LRRC4C: variants seen among roughly 807,000 people sequenced by gnomAD.
LRRC4C encodes the protein leucine-rich repeat-containing protein 4C.
Under a neutral mutation model 33.6 loss-of-function variants are expected in LRRC4C, and 5 were observed. That is an observed-to-expected ratio of 0.15 (90% CI 0.08 to 0.31). The LOEUF (loss-of-function observed/expected upper bound fraction) is 0.31, where lower values mean the gene tolerates loss of function less well. LRRC4C is among the 10% of genes least tolerant of loss of function. LRRC4C has a pLI of 1.00. For synonymous variants in LRRC4C, 329 were observed against 302.0 expected, an observed-to-expected ratio of 1.09 and a Z score of -0.93; for missense variants, 560 against 796.7, an observed-to-expected ratio of 0.70 and a Z score of 3.58.
intron 2 of LRRC4C, among the ~76,000 whole-genome samples, chr11:40,762,841 C>T (rs1949284594): frequency 6.6e-6 from 1 of 151,746 alleles, no homozygotes; most frequent in Non-Finnish European, 1.5e-5. Flanking sequence ...GCTTCTACAC[C>T]AAACTCTTTC....
chr11:41,055,121 G>T (rs996959731), intron 1 of LRRC4C, among the ~76,000 whole-genome samples: 1 of 151,998 alleles, frequency 6.6e-6, no homozygotes, highest in Admixed American at 6.6e-5. Context: ...TTCCTCAGAG[G>T]TTATCATTAT....
rs1181331246 is a variant in LRRC4C, at chr11:41,099,378, T to TA, written c.-495-165656dup. On this transcript the variant is annotated intron_variant, in intron 1 of 6. Coordinates refer to ENST00000528697, the MANE Select transcript of LRRC4C (RefSeq NM_001258419.2). Reference sequence around the variant, plus strand: ...CTGATACCAAAACCTGGCAGAGACATAAAAAAAAAAAGAAAAAAAAAAACT... The same window carrying TA: ...CTGATACCAAAACCTGGCAGAGACATAAAAAAAAAAAAGAAAAAAAAAAACT... 2.8e-3 allele frequency among the ~76,000 whole-genome samples: 314 copies of TA among 112,718 alleles called. 1 individual carries two copies. The highest frequency in any genetic ancestry group is 4.8e-3 in the Middle Eastern group (1 of 210). The allele number at this position is 112,718 out of a possible 152,430, so 73.9% of individuals were successfully genotyped here.
At chr11:40,644,231 C>T (rs922863686) in intron 3 of LRRC4C, among the ~76,000 whole-genome samples, 15 of 152,152 alleles carry the variant, frequency 9.9e-5, no homozygotes, top group African/African-American at 3.6e-4. Context: ...AATAGCATGG[C>T]CGTAAAGCGC....
intron 1 of LRRC4C, among the ~76,000 whole-genome samples, chr11:41,070,946 T>C (rs969564929): frequency 6.6e-6 from 1 of 152,176 alleles, no homozygotes; most frequent in Non-Finnish European, 1.5e-5. Flanking sequence ...TAAAGATACA[T>C]GCACACGTAT....
chr11:40,864,893 T>G (rs1048474378), intron 2 of LRRC4C, among the ~76,000 whole-genome samples: 1 of 152,178 alleles, frequency 6.6e-6, no homozygotes, highest in African/African-American at 2.4e-5. Flanking sequence ...AGGGGATAAG[T>G]GGACAGGTGA....
intron 3 of LRRC4C, among the ~76,000 whole-genome samples, chr11:40,460,217 T>G (rs1952327942): frequency 6.6e-6 from 1 of 152,160 alleles, no homozygotes; most frequent in South Asian, 2.1e-4. Context: ...GAGCAAATAC[T>G]ATACATCAGG....
intron 2 of LRRC4C, among the ~76,000 whole-genome samples, chr11:40,705,498 T>C (rs1383423624): frequency 7.0e-6 from 1 of 142,088 alleles, no homozygotes; most frequent in African/African-American, 2.5e-5. Context: ...AGAATGATGG[T>C]TTCCAGCTTC....
chr11:40,116,368 G>A, intron 6 of LRRC4C, 34 bp from the exon 7 acceptor site: 2 of 1,512,026 alleles, frequency 1.3e-6, no homozygotes, highest in South Asian at 1.4e-5. Flanking sequence ...CCAATTATTA[G>A]ATTAGATTTA....
intron 1 of LRRC4C, among the ~76,000 whole-genome samples, chr11:41,365,841 G>A (rs1205359047): frequency 6.6e-6 from 1 of 152,096 alleles, no homozygotes; most frequent in Admixed American, 6.6e-5. Context: ...ATAAATCTTG[G>A]ACTCAAGAAC....
At chr11:40,449,457 T>C (rs1951792455) in intron 3 of LRRC4C, among the ~76,000 whole-genome samples, 1 of 152,178 alleles carries the variant, frequency 6.6e-6, no homozygotes, top group Admixed American at 6.5e-5. Context: ...CTTTTTATCT[T>C]TCATTTACTC....
intron 3 of LRRC4C, among the ~76,000 whole-genome samples, chr11:40,408,876 A>C (rs908916643): frequency 6.6e-6 from 1 of 152,024 alleles, no homozygotes; most frequent in African/African-American, 2.4e-5. Flanking sequence ...TAAAAATTCC[A>C]ATGACATTTT....
At chr11:40,145,230 C>T (rs961824779) in intron 5 of LRRC4C, among the ~76,000 whole-genome samples, 1 of 152,092 alleles carries the variant, frequency 6.6e-6, no homozygotes, top group South Asian at 2.1e-4. Context: ...ACTATATAAT[C>T]AATTAGCATG....
chr11:40,426,249 A>C (rs1207925368), intron 3 of LRRC4C, among the ~76,000 whole-genome samples: 3 of 151,970 alleles, frequency 2.0e-5, no homozygotes, highest in Non-Finnish European at 4.4e-5. Flanking sequence ...TCCTGAACTC[A>C]TGATTTGCCC....
chr11:40,229,368 G>T (rs909947661), intron 5 of LRRC4C, among the ~76,000 whole-genome samples: 1 of 152,084 alleles, frequency 6.6e-6, no homozygotes, highest in Non-Finnish European at 1.5e-5. Flanking sequence ...CGCCTCCCGG[G>T]TTCAGGCAAT....
At chr11:40,521,752 C>G (rs1408374406) in intron 3 of LRRC4C, among the ~76,000 whole-genome samples, 1 of 151,906 alleles carries the variant, frequency 6.6e-6, no homozygotes, top group Non-Finnish European at 1.5e-5. Flanking sequence ...GCCTGTAGTC[C>G]CAGCTACTTG....
chr11:40,395,694 T>C (rs1034585658), intron 3 of LRRC4C, among the ~76,000 whole-genome samples: 1 of 152,110 alleles, frequency 6.6e-6, no homozygotes, highest in Admixed American at 6.6e-5. Flanking sequence ...CTTATTAAAA[T>C]ACAGATTTCT....
chr11:40,665,376 ATATATATATATT>A (rs1943747005), intron 2 of LRRC4C, among the ~76,000 whole-genome samples: 1 of 83,466 alleles, frequency 1.2e-5, no homozygotes, highest in Non-Finnish European at 2.5e-5. Context: ...ATATATATAT[ATATATATATATT>A]ATTAGGGGTA....
chr11:40,661,471 T>C (rs908578298), intron 2 of LRRC4C, among the ~76,000 whole-genome samples: 1 of 152,184 alleles, frequency 6.6e-6, no homozygotes, highest in Non-Finnish European at 1.5e-5. Flanking sequence ...TATTATTTCC[T>C]TGGGAATAAA....
At chr11:41,214,227 G>A (rs1394142168) in intron 1 of LRRC4C, among the ~76,000 whole-genome samples, 1 of 152,074 alleles carries the variant, frequency 6.6e-6, no homozygotes, top group Non-Finnish European at 1.5e-5. Flanking sequence ...TACTCAGAAT[G>A]AGTTATGACA....
Sources: allele counts gnomAD v4.1 joint callset (sites outside exome capture counted in the v4.1 genomes callset), GRCh38; gene constraint gnomAD v4.1.1; transcripts MANE v1.5; gene names NCBI Gene and HGNC (gene_info 2026-07-23, HGNC 2026-07-21).